The following SMIM31 variants were observed in gnomAD, a reference collection of about 807,000 sequenced individuals.
SMIM31 encodes small integral membrane protein 31, also known as human epithelial cell program regulator.
At chr4:164,785,050 C>T (rs1202583695) in intron 2 of SMIM31, among the ~76,000 whole-genome samples, 3 of 151,806 alleles carry the variant, frequency 2.0e-5, no homozygotes, top group Non-Finnish European at 4.4e-5. Context: ...GTGGCAAAAC[C>T]TTGTCTCTAC....
intron 2 of SMIM31, among the ~76,000 whole-genome samples, chr4:164,784,399 T>C (rs1733000333): frequency 6.6e-6 from 1 of 152,168 alleles, no homozygotes; most frequent in Non-Finnish European, 1.5e-5. Context: ...TAGTATTATA[T>C]GTCACGTTTT....
intron 1 of SMIM31, 35 bp from the exon 2 acceptor site, chr4:164,770,384 G>C: frequency 2.5e-6 from 1 of 398,716 alleles, no homozygotes; most frequent in Non-Finnish European, 4.4e-6. Context: ...CTCTGGATTA[G>C]AGTATGCTGA....
intron 1 of SMIM31, among the ~76,000 whole-genome samples, chr4:164,757,981 A>G (rs781015810): frequency 2.6e-5 from 4 of 152,168 alleles, no homozygotes; most frequent in Non-Finnish European, 5.9e-5. Context: ...CCTTGGATTT[A>G]TAGGTTAATC....
intron 1 of SMIM31, among the ~76,000 whole-genome samples, chr4:164,757,255 A>G (rs1304653065): frequency 6.6e-6 from 1 of 152,138 alleles, no homozygotes; most frequent in Non-Finnish European, 1.5e-5. Flanking sequence ...CATTTTTTTA[A>G]AACTTGGATT....
intron 1 of SMIM31, among the ~76,000 whole-genome samples, chr4:164,756,296 T>C (rs78649497): frequency 0.11 from 17,274 of 151,990 alleles, 1,088 homozygotes; most frequent in African/African-American, 0.16. Flanking sequence ...ATAGGCCGGG[T>C]GCGGTGGCTC....
chr4:164,789,751 T>A (rs1186838691), intron 2 of SMIM31, among the ~76,000 whole-genome samples: 1 of 152,234 alleles, frequency 6.6e-6, no homozygotes, highest in Non-Finnish European at 1.5e-5. Flanking sequence ...AAGAGATAAG[T>A]AATGTTGGAA....
chr4:164,775,630 A>G (rs1732871936), intron 2 of SMIM31, among the ~76,000 whole-genome samples: 1 of 152,206 alleles, frequency 6.6e-6, no homozygotes, highest in African/African-American at 2.4e-5. Flanking sequence ...TTGTGCGCAC[A>G]CGTTTGTGTG....
At position 164,763,338 on chromosome 4, in the gene SMIM31, A is replaced by G. The variant is rs1160227605; in HGVS notation, c.-25-7081A>G. Among the ~76,000 whole-genome samples, 6 of 152,200 alleles carry G rather than the reference A, an allele frequency of 3.9e-5. No individual in the cohort carries two copies. The East Asian group carries it at 5.8e-4, about 15-fold the overall frequency. On this transcript the variant is annotated intron_variant, in intron 1 of 2. Coordinates refer to ENST00000507311, the MANE Select transcript of SMIM31 (RefSeq NM_001352885.1). ...AATCACAAAAATAACTGGAATTTTTAAATCATCCTTTAGAAACTCAGAAAT... is the reference window on the plus strand; with the variant it reads ...AATCACAAAAATAACTGGAATTTTTGAATCATCCTTTAGAAACTCAGAAAT...
chr4:164,779,928 C>T (rs1440907213), intron 2 of SMIM31, among the ~76,000 whole-genome samples: 2 of 152,052 alleles, frequency 1.3e-5, no homozygotes, highest in East Asian at 3.9e-4. Flanking sequence ...ATTGCAGCAG[C>T]CAGCCAGTAG....
chr4:164,783,410 G>C (rs1013549504), intron 2 of SMIM31, among the ~76,000 whole-genome samples: 1 of 151,376 alleles, frequency 6.6e-6, no homozygotes, highest in Admixed American at 6.6e-5. Context: ...TCTAAACCCA[G>C]CTTCTCGGGA....
chr4:164,794,903 T>A (rs879935709), intron 2 of SMIM31, among the ~76,000 whole-genome samples: 6 of 151,472 alleles, frequency 4.0e-5, no homozygotes, highest in Admixed American at 2.6e-4. Context: ...AAATATTTTT[T>A]AAAAAAATAT....
intron 2 of SMIM31, among the ~76,000 whole-genome samples, chr4:164,795,877 A>G (rs1237558008): frequency 6.6e-6 from 1 of 152,194 alleles, no homozygotes; most frequent in Non-Finnish European, 1.5e-5. Context: ...CCAAGAAAGC[A>G]CAGTCTAGTG....
At chr4:164,758,509 A>T (rs1201632847) in intron 1 of SMIM31, among the ~76,000 whole-genome samples, 2 of 151,802 alleles carry the variant, frequency 1.3e-5, no homozygotes, top group African/African-American at 4.8e-5. Context: ...CATGTCCTTT[A>T]TTAAATTGAG....
chr4:164,757,961 A>T (rs1405395068), intron 1 of SMIM31, among the ~76,000 whole-genome samples: 3 of 139,764 alleles, frequency 2.1e-5, no homozygotes, highest in Non-Finnish European at 3.1e-5. Flanking sequence ...TAAGATTATG[A>T]CTATAATTGC....
At chr4:164,794,935 A>G (rs996358601) in intron 2 of SMIM31, among the ~76,000 whole-genome samples, 1 of 152,000 alleles carries the variant, frequency 6.6e-6, no homozygotes, top group Non-Finnish European at 1.5e-5. Flanking sequence ...GGAAATATAT[A>G]TATAATGAAC....
intron 2 of SMIM31, among the ~76,000 whole-genome samples, chr4:164,772,807 T>C (rs1269778235): frequency 1.3e-5 from 2 of 151,426 alleles, no homozygotes; most frequent in Non-Finnish European, 3.0e-5. Flanking sequence ...CTCGATCTCC[T>C]GACCTCGTGA....
intron 2 of SMIM31, among the ~76,000 whole-genome samples, chr4:164,796,671 T>C (rs910726417): frequency 3.9e-5 from 6 of 152,210 alleles, no homozygotes; most frequent in African/African-American, 1.4e-4. Context: ...ATCTTTCCAG[T>C]GGCTCAAGAA....
At chr4:164,788,472 A>ATTTTTTT (rs1187569698) in intron 2 of SMIM31, among the ~76,000 whole-genome samples, 1 of 60,506 alleles carries the variant, frequency 1.7e-5, no homozygotes, top group African/African-American at 6.5e-5. Context: ...CTTTCTTCTA[A>ATTTTTTT]TTTTTCTTTT....
At chr4:164,793,023 C>T (rs576812866) in intron 2 of SMIM31, among the ~76,000 whole-genome samples, 7 of 152,234 alleles carry the variant, frequency 4.6e-5, no homozygotes, top group Non-Finnish European at 7.4e-5. Flanking sequence ...GAATACTATG[C>T]AGCCATAAAA....
Sources: gnomAD v4.1 joint callset for allele counts (sites outside exome capture counted in the v4.1 genomes callset) on GRCh38, gnomAD v4.1.1 for gene constraint, MANE v1.5 for transcripts, NCBI Gene and HGNC (gene_info 2026-07-23, HGNC 2026-07-21) for gene names.